NIPAL2: variants seen among roughly 807,000 people sequenced by gnomAD.
The protein encoded by NIPAL2 is NIPA like domain containing 2.
In NIPAL2, 43 loss-of-function variants were observed where a neutral mutation model predicts 48.9. The observed-to-expected ratio is 0.88, with a 90% CI of 0.69 to 1.13. The LOEUF is 1.13. NIPAL2 is among the 50% of genes most tolerant of loss of function. NIPAL2 has a pLI of 0.00. For missense variants in NIPAL2, 446 were observed against 461.4 expected, an observed-to-expected ratio of 0.97 and a Z score of 0.31; for synonymous variants, 167 against 174.6, an observed-to-expected ratio of 0.96 and a Z score of 0.34.
intron 4 of NIPAL2, among the ~76,000 whole-genome samples, chr8:98,227,924 G>A (rs1440017931): frequency 6.6e-6 from 1 of 152,234 alleles, no homozygotes; most frequent in African/African-American, 2.4e-5. Context: ...CAAAACTCAA[G>A]TTCACACCTC....
At chr8:98,195,104 C>T (rs1810484196) in intron 9 of NIPAL2, among the ~76,000 whole-genome samples, 2 of 152,154 alleles carry the variant, frequency 1.3e-5, no homozygotes, top group Admixed American at 1.3e-4. Flanking sequence ...CATTTTCTGC[C>T]CATGCACGCC....
intron 1 of NIPAL2, among the ~76,000 whole-genome samples, chr8:98,275,648 C>T (rs1815416226): frequency 6.6e-6 from 1 of 152,066 alleles, no homozygotes; most frequent in Non-Finnish European, 1.5e-5. Flanking sequence ...TGTGGTAAGT[C>T]CATTTTTAGT....
At chr8:98,200,655 A>G (rs527850902) in intron 8 of NIPAL2, among the ~76,000 whole-genome samples, 1 of 152,336 alleles carries the variant, frequency 6.6e-6, no homozygotes, top group Non-Finnish European at 1.5e-5. Flanking sequence ...TGAAATTACT[A>G]GATCATATGG....
At chr8:98,206,383 T>C (rs1811039724) in intron 6 of NIPAL2, among the ~76,000 whole-genome samples, 3 of 152,212 alleles carry the variant, frequency 2.0e-5, no homozygotes, top group South Asian at 4.1e-4. Flanking sequence ...CAGCAAGTGG[T>C]GGCCAGCCAA....
chr8:98,255,496 C>A (rs1332465161), intron 1 of NIPAL2, among the ~76,000 whole-genome samples: 1 of 152,106 alleles, frequency 6.6e-6, no homozygotes, highest in Non-Finnish European at 1.5e-5. Flanking sequence ...CAATAAGACA[C>A]CAAATTCCAG....
chr8:98,290,028 T>C (rs1047073645), intron 1 of NIPAL2, among the ~76,000 whole-genome samples: 1 of 152,216 alleles, frequency 6.6e-6, no homozygotes, highest in Non-Finnish European at 1.5e-5. Flanking sequence ...CCTTAGTTTC[T>C]AGCAATGGCC....
chr8:98,236,154 C>G lies in NIPAL2; in HGVS notation c.436+1G>C. On this transcript the variant is annotated splice_donor_variant, in intron 4 of 10. Transcript: ENST00000430223. LOFTEE classifies it high-confidence loss of function. ...ATTACATGAATTAAATAATTACTTACCGAGTAAGTCTGAGGCTCTCAAATT... is the reference window on the plus strand; with the variant it reads ...ATTACATGAATTAAATAATTACTTAGCGAGTAAGTCTGAGGCTCTCAAATT... 3.2e-6 allele frequency: 5 copies of G among 1,574,264 alleles called. No individual in the cohort carries two copies. Among genetic ancestry groups the G allele is most frequent in the Non-Finnish European group, 4.3e-6 (5 of 1,149,550 alleles).
chr8:98,272,909 G>A lies in NIPAL2; in HGVS notation c.136-18822C>T, dbSNP rs76975935. 1.3e-3 allele frequency among the ~76,000 whole-genome samples: 200 copies of A among 152,188 alleles called. 5 individuals are homozygous for A. In the East Asian group the frequency reaches 0.036, roughly 27 times the overall value. On this transcript the variant is annotated intron_variant, in intron 1 of 10. Coordinates refer to ENST00000430223, the MANE Select transcript of NIPAL2 (RefSeq NM_001321635.2). ...TTTTTTCCAGGAATATTTCAATAATGCTCAATATCATTGTGATATTAACTA... is the reference window on the plus strand; with the variant it reads ...TTTTTTCCAGGAATATTTCAATAATACTCAATATCATTGTGATATTAACTA...
intron 8 of NIPAL2, among the ~76,000 whole-genome samples, chr8:98,201,588 T>A (rs1482055118): frequency 6.6e-6 from 1 of 152,102 alleles, no homozygotes; most frequent in Non-Finnish European, 1.5e-5. Context: ...CATCTTGCTA[T>A]GTTCCCAGGC....
At chr8:98,228,571 T>C (rs186694923) in intron 4 of NIPAL2, among the ~76,000 whole-genome samples, 2 of 152,284 alleles carry the variant, frequency 1.3e-5, no homozygotes, top group African/African-American at 2.4e-5. Flanking sequence ...TCCCAGGAAC[T>C]TGGCTCTGCA....
At chr8:98,250,197 A>G (rs542400812) in intron 3 of NIPAL2, among the ~76,000 whole-genome samples, 27 of 152,342 alleles carry the variant, frequency 1.8e-4, no homozygotes, top group Middle Eastern at 3.4e-3. Flanking sequence ...CAACACTGCA[A>G]TAGGTTTTAT....
chr8:98,212,299 T>C, intron 6 of NIPAL2, 106 bp downstream of exon 6: 1 of 584,642 alleles, frequency 1.7e-6, no homozygotes, highest in Non-Finnish European at 3.0e-6. Flanking sequence ...AGCTGAAAAA[T>C]ATAAACCATG....
At chr8:98,222,246 G>T (rs539301363) in intron 5 of NIPAL2, among the ~76,000 whole-genome samples, 2 of 152,142 alleles carry the variant, frequency 1.3e-5, no homozygotes, top group Non-Finnish European at 2.9e-5. Context: ...TATTGCTCTG[G>T]AACTTGGTGG....
intron 3 of NIPAL2, among the ~76,000 whole-genome samples, chr8:98,248,130 G>GTT (rs1413176248): frequency 6.6e-6 from 1 of 152,182 alleles, no homozygotes; most frequent in Admixed American, 6.5e-5. Flanking sequence ...TTTCCACCGT[G>GTT]TTTTGGTAGG....
At chr8:98,209,357 C>T (rs554705025) in intron 6 of NIPAL2, among the ~76,000 whole-genome samples, 11 of 145,604 alleles carry the variant, frequency 7.6e-5, no homozygotes, top group African/African-American at 2.8e-4. Flanking sequence ...GCCTGTAATC[C>T]TAGCACTTTG....
intron 4 of NIPAL2, among the ~76,000 whole-genome samples, chr8:98,225,496 C>T (rs150813453): frequency 3.1e-4 from 47 of 152,296 alleles, no homozygotes; most frequent in Non-Finnish European, 5.9e-4. Flanking sequence ...TGTTAGTTTA[C>T]CTTCTGCTGG....
At chr8:98,274,515 C>A (rs1375382084) in intron 1 of NIPAL2, among the ~76,000 whole-genome samples, 1 of 151,942 alleles carries the variant, frequency 6.6e-6, no homozygotes, top group Non-Finnish European at 1.5e-5. Context: ...TATTTTATCT[C>A]CTCAGTTAAT....
chr8:98,243,647 G>A (rs1813115297), intron 3 of NIPAL2, among the ~76,000 whole-genome samples: 2 of 152,190 alleles, frequency 1.3e-5, no homozygotes, highest in African/African-American at 4.8e-5. Context: ...TTAACCTGAT[G>A]CATGAGTATT....
chr8:98,286,822 AAAAAAAAAAAAAC>A (rs910078576), intron 1 of NIPAL2, among the ~76,000 whole-genome samples: 4 of 148,098 alleles, frequency 2.7e-5, no homozygotes, highest in African/African-American at 1.0e-4. Flanking sequence ...CAAAAAAAAA[AAAAAAAAAAAAAC>A]CAAAAACAAA....
Sources: gnomAD v4.1 joint callset for allele counts (sites outside exome capture counted in the v4.1 genomes callset) on GRCh38, gnomAD v4.1.1 for gene constraint, MANE v1.5 for transcripts, NCBI Gene and HGNC (gene_info 2026-07-23, HGNC 2026-07-21) for gene names.